PCLO: variants seen among roughly 807,000 people sequenced by gnomAD.
The protein encoded by PCLO is protein piccolo.
A neutral mutation model predicts 427.5 loss-of-function variants in PCLO; 82 were observed. The ratio of observed to expected loss-of-function variants is 0.19; its 90% CI spans 0.16 to 0.23. The LOEUF (loss-of-function observed/expected upper bound fraction) is 0.23, where lower values mean the gene tolerates loss of function less well. Ranked by LOEUF, PCLO falls within the 10% of genes least tolerant of loss-of-function variation. The pLI is 1.00. For synonymous variants in PCLO, 2,357 were observed against 2,155.4 expected, an observed-to-expected ratio of 1.09 and a Z score of -2.59; for missense variants, 6,239 against 6,115.9, an observed-to-expected ratio of 1.02 and a Z score of -0.67.
At chr7:83,022,528 C>A (rs553511549) in intron 3 of PCLO, among the ~76,000 whole-genome samples, 1 of 152,054 alleles carries the variant, frequency 6.6e-6, no homozygotes. Context: ...GATTGTTTTT[C>A]GAATCACCAC....
At chr7:82,998,619 T>A (rs922883744) in intron 3 of PCLO, among the ~76,000 whole-genome samples, 47 of 151,900 alleles carry the variant, frequency 3.1e-4, no homozygotes, top group African/African-American at 1.1e-3. Flanking sequence ...ACATGAAATT[T>A]ACAGTCCAGA....
intron 10 of PCLO, among the ~76,000 whole-genome samples, chr7:82,859,193 G>GAA (rs1396725091): frequency 3.7e-4 from 16 of 43,654 alleles, no homozygotes; most frequent in African/African-American, 2.1e-3. Flanking sequence ...ACCCTGAAGG[G>GAA]AAAGACAGGC....
rs766172385 is a variant in PCLO at position 82,967,197 on chromosome 7, C to CT, written c.3301-711dup. 9.0e-3 allele frequency among the ~76,000 whole-genome samples: 1,192 copies of CT among 133,104 alleles called. 6 individuals carry two copies. The highest frequency in any genetic ancestry group is 0.018 in the East Asian group (85 of 4,604). The allele number at this position is 133,104 out of a possible 152,430, so 87.3% of individuals were successfully genotyped here. ...ACTAAAACATTTTCTTTCTTCTTTT[C>CT]TTTTTTTTTTTTTTTTTGCCCAGGC... On this transcript the variant is annotated intron_variant, in intron 3 of 24. Coordinates refer to ENST00000333891, the MANE Select transcript of PCLO (RefSeq NM_033026.6).
Position 82,952,201 on chromosome 7 carries a change from T to G in PCLO, c.8752A>C (p.Ser2918Arg), listed in dbSNP as rs764775939. Residue 2918 changes from serine to arginine, a missense_variant, in exon 5 of 25, where the codon AGT becomes CGT. Ser to Arg is a moderately radical substitution (Grantham distance 110). Transcript: ENST00000333891. ...TCTTCTATTATTTTGGTCATCACACTTGAAGTAGACTCATCCATTGTTACG... is the reference window on the plus strand; with the variant it reads ...TCTTCTATTATTTTGGTCATCACACGTGAAGTAGACTCATCCATTGTTACG... ...TVVTMDESTS[S>R]VMTKIIEDEK... 8.7e-6 allele frequency: 14 copies of G among 1,613,578 alleles called. No homozygotes were observed. Among genetic ancestry groups the G allele is most frequent in the Non-Finnish European group, 1.2e-5 (14 of 1,179,842 alleles).
chr7:83,136,696 G>A (rs553179527), intron 2 of PCLO, among the ~76,000 whole-genome samples: 1 of 152,108 alleles, frequency 6.6e-6, no homozygotes, highest in South Asian at 2.1e-4. Context: ...ACTTGAAAAA[G>A]CAATATGAGT....
Position 83,134,346 on chromosome 7 carries a change from T to C in PCLO, c.3204A>G (p.Ile1068Met). ...TGAAGTTAGGAGGATCCTTAGAACCTATGTTGAGTTCAGTTTTGCAGAGAG... is the reference window on the plus strand; with the variant it reads ...TGAAGTTAGGAGGATCCTTAGAACCCATGTTGAGTTCAGTTTTGCAGAGAG... Reference protein sequence around the residue: ...TCPLCKTELNIGSKDPPNFNT... With the variant: ...TCPLCKTELNMGSKDPPNFNT... Residue 1068 changes from isoleucine to methionine, a missense_variant, in exon 3 of 25, where the codon ATA (isoleucine) becomes ATG (methionine). Ile to Met is a conservative substitution (Grantham distance 10, BLOSUM62 1). Transcript: ENST00000333891. 1.2e-6 allele frequency: 2 copies of C among 1,612,554 alleles called. No individual in the cohort carries two copies. The highest frequency in any genetic ancestry group is 2.2e-5 in the East Asian group (1 of 44,816).
At position 83,156,286 on chromosome 7, in the gene PCLO, A is replaced by G. The variant is rs1354075420; in HGVS notation, c.355T>C (p.Phe119Leu). The G allele has an allele frequency of 1.9e-6, 3 of 1,613,272 alleles. No individual in the cohort carries two copies. In the South Asian group the frequency reaches 3.3e-5, roughly 18 times the overall value. The change falls in exon 2 of 25, where the codon TTC becomes CTC. Residue 119 changes from phenylalanine to leucine, a missense_variant. By Grantham distance (22) the Phe-to-Leu change is conservative (BLOSUM62 0). Around this residue, in one of 5 missense-constraint regions of PCLO, gnomAD observed 4,677 missense variants for 4,468.4 expected, o/e 1.05. Transcript: ENST00000333891. Reference sequence around the variant, plus strand: ...CCAGGCAATTTCTGCTCTGACCTGAAAGTGTCTGTAGTTCTACTTTTACTG... The same window carrying G: ...CCAGGCAATTTCTGCTCTGACCTGAGAGTGTCTGTAGTTCTACTTTTACTG... Reference protein sequence around the residue: ...GLSKSRTTDTFRSEQKLPGRS... With the variant: ...GLSKSRTTDTLRSEQKLPGRS...
intron 2 of PCLO, among the ~76,000 whole-genome samples, chr7:83,138,478 T>C (rs762632603): frequency 6.6e-6 from 1 of 152,012 alleles, no homozygotes; most frequent in African/African-American, 2.4e-5. Flanking sequence ...CTGGCCAACA[T>C]GGTGAAACAT....
intron 3 of PCLO, among the ~76,000 whole-genome samples, chr7:83,069,857 G>T (rs533132249): frequency 5.9e-5 from 7 of 119,502 alleles, no homozygotes; most frequent in African/African-American, 2.2e-4. Context: ...AATAATGGAA[G>T]TGAAAAGAAC....
intron 6 of PCLO, 28 bp downstream of exon 6, chr7:82,949,448 C>A: frequency 6.7e-7 from 1 of 1,499,948 alleles, no homozygotes; most frequent in South Asian, 1.3e-5. Context: ...TCATCCATTG[C>A]CTTCCAACTG....
intron 3 of PCLO, among the ~76,000 whole-genome samples, chr7:82,975,682 G>GT (rs1250204864): frequency 4.6e-5 from 7 of 152,124 alleles, no homozygotes; most frequent in African/African-American, 1.4e-4. Context: ...GTACAGTATT[G>GT]TTTGGCTCTG....
chr7:83,054,840 A>G (rs1789339450), intron 3 of PCLO, among the ~76,000 whole-genome samples: 1 of 152,076 alleles, frequency 6.6e-6, no homozygotes. Context: ...GCAACTTCAC[A>G]GGTAGATACT....
At chr7:82,920,858 T>C (rs1794579205) in intron 6 of PCLO, among the ~76,000 whole-genome samples, 1 of 151,758 alleles carries the variant, frequency 6.6e-6, no homozygotes, top group Non-Finnish European at 1.5e-5. Flanking sequence ...AGATCTGTAG[T>C]TTTTTCAAAT....
chr7:82,982,041 T>C (rs549835755), intron 3 of PCLO, among the ~76,000 whole-genome samples: 47 of 152,260 alleles, frequency 3.1e-4, no homozygotes, highest in African/African-American at 1.1e-3. Flanking sequence ...TGTATGTTAA[T>C]GCATATGTAG....
intron 6 of PCLO, among the ~76,000 whole-genome samples, chr7:82,917,806 C>T (rs1457619927): frequency 1.3e-5 from 2 of 151,794 alleles, no homozygotes; most frequent in Non-Finnish European, 2.9e-5. Flanking sequence ...CTCCAATTTT[C>T]CCCAGTCACC....
chr7:82,966,528 T>C (rs761818324), intron 3 of PCLO, 41 bp from the exon 4 acceptor site: 1 of 1,223,748 alleles, frequency 8.2e-7, no homozygotes, highest in East Asian at 2.5e-5. Flanking sequence ...GAATGTATTA[T>C]AATGTATCTG....
At chr7:82,845,612 A>G (rs1249716310) in intron 12 of PCLO, 127 bp from the exon 13 acceptor site, 2 of 653,422 alleles carry the variant, frequency 3.1e-6, no homozygotes, top group Non-Finnish European at 5.3e-6. Context: ...TTTAAAAATG[A>G]AATTAACTCT....
At chr7:83,112,034 G>GTT (rs11375069) in intron 3 of PCLO, among the ~76,000 whole-genome samples, 9 of 151,590 alleles carry the variant, frequency 5.9e-5, no homozygotes, top group East Asian at 3.9e-4. Flanking sequence ...AAATGTCTGG[G>GTT]TTTTTTTGTT....
chr7:83,093,399 G>T (rs1233019188), intron 3 of PCLO, among the ~76,000 whole-genome samples: 1 of 147,890 alleles, frequency 6.8e-6, no homozygotes, highest in Non-Finnish European at 1.5e-5. Flanking sequence ...ATTACATTTT[G>T]AATCTATTAC....
Sources: gnomAD v4.1 joint callset for allele counts (sites outside exome capture counted in the v4.1 genomes callset) on GRCh38, gnomAD v4.1.1 for gene constraint, gnomAD v4.1.1 regional missense constraint, MANE v1.5 for transcripts, NCBI Gene and HGNC (gene_info 2026-07-23, HGNC 2026-07-21) for gene names.